SOX6: variants seen among roughly 807,000 people sequenced by gnomAD.
SOX6 encodes transcription factor SOX-6.
SOX6 carries 11 observed loss-of-function variants against 97.8 expected under a neutral mutation model. The observed-to-expected ratio is 0.11, with a 90% CI of 0.07 to 0.19. SOX6 has a LOEUF of 0.19. Ranked by LOEUF, SOX6 falls within the 10% of genes least tolerant of loss-of-function variation. The pLI is 1.00. For synonymous variants in SOX6, 360 were observed against 371.4 expected, an observed-to-expected ratio of 0.97 and a Z score of 0.35; for missense variants, 810 against 1,039.5, an observed-to-expected ratio of 0.78 and a Z score of 3.04.
intron 13 of SOX6, among the ~76,000 whole-genome samples, chr11:16,013,604 C>G (rs150595863): frequency 1.3e-5 from 2 of 152,078 alleles, no homozygotes; most frequent in East Asian, 3.9e-4. Context: ...CCCTCTTCTT[C>G]GTTCCTTTCC....
In SOX6 at chr11:16,707,831, T is replaced by C. The variant is rs546053515; in HGVS notation, n.429+6999A>G. Among the ~76,000 whole-genome samples the C allele has an allele frequency of 7.2e-5, 11 of 152,320 alleles. No individual in the cohort carries two copies. In the South Asian group the frequency reaches 2.3e-3, roughly 32 times the overall value. On this transcript the variant is annotated intron_variant and non_coding_transcript_variant, in intron 3 of 5. Transcript: ENST00000524520. ...AAGAATGCCCCTGAGTTCATCTTAA[T>C]CCACTTTTTCAGATTTTCAGATTTA...
chr11:16,542,994 C>T (rs1419420465), intron 4 of SOX6, among the ~76,000 whole-genome samples: 2 of 151,822 alleles, frequency 1.3e-5, no homozygotes, highest in African/African-American at 2.4e-5. Flanking sequence ...AAATCAAGAA[C>T]AGTCTACATA....
intron 12 of SOX6, among the ~76,000 whole-genome samples, chr11:16,036,914 T>C (rs1855534415): frequency 6.6e-6 from 1 of 152,192 alleles, no homozygotes; most frequent in Non-Finnish European, 1.5e-5. Context: ...AGAAGTTTTG[T>C]GAAAACTTAG....
intron 4 of SOX6, chr11:16,484,469 A>C: frequency 1.2e-6 from 1 of 807,600 alleles, no homozygotes; most frequent in Non-Finnish European, 2.2e-6. Flanking sequence ...CTCGCACTTC[A>C]CCACCTGCTC....
chr11:16,669,138 T>G (rs935008404), intron 3 of SOX6, among the ~76,000 whole-genome samples: 2 of 152,162 alleles, frequency 1.3e-5, no homozygotes, highest in African/African-American at 4.8e-5. Flanking sequence ...ATATATATGT[T>G]AGGCCACAAA....
At chr11:16,540,055 G>A (rs1421955645) in intron 4 of SOX6, among the ~76,000 whole-genome samples, 2 of 152,094 alleles carry the variant, frequency 1.3e-5, no homozygotes, top group East Asian at 1.9e-4. Context: ...GATGAACTTC[G>A]ATGTGAAAAT....
intron 3 of SOX6, among the ~76,000 whole-genome samples, chr11:16,247,161 A>G (rs1407349645): frequency 6.6e-6 from 1 of 152,118 alleles, no homozygotes; most frequent in Non-Finnish European, 1.5e-5. Flanking sequence ...ATATGTCACA[A>G]ATATCTTTCT....
At chr11:16,680,799 G>A (rs922859042) in intron 3 of SOX6, among the ~76,000 whole-genome samples, 5 of 152,114 alleles carry the variant, frequency 3.3e-5, no homozygotes, top group South Asian at 2.1e-4. Context: ...AAAACGCAGG[G>A]GCTGCAATCC....
chr11:16,137,624 A>G (rs112811965), intron 6 of SOX6, among the ~76,000 whole-genome samples: 1,821 of 152,270 alleles, frequency 0.012, 34 homozygotes, highest in African/African-American at 0.042. Flanking sequence ...TCTACTGCTT[A>G]CCTTAAGGAA....
chr11:16,419,220 T>C (rs1858982946), intron 1 of SOX6, among the ~76,000 whole-genome samples: 2 of 152,198 alleles, frequency 1.3e-5, no homozygotes, highest in Non-Finnish European at 2.9e-5. Flanking sequence ...TTCACAAGTA[T>C]GATTATCAAA....
chr11:16,424,501 T>C (rs948223526), intron 1 of SOX6, among the ~76,000 whole-genome samples: 3 of 114,144 alleles, frequency 2.6e-5, no homozygotes, highest in Admixed American at 8.3e-5. Context: ...TCCAACACCA[T>C]GCAAACTAAG....
At chr11:16,649,070 A>G (rs1462980725) in intron 3 of SOX6, among the ~76,000 whole-genome samples, 1 of 152,156 alleles carries the variant, frequency 6.6e-6, no homozygotes. Flanking sequence ...ACGGAGACAA[A>G]GAAAAAAGAA....
intron 12 of SOX6, among the ~76,000 whole-genome samples, chr11:16,028,923 T>C (rs1442351957): frequency 6.6e-6 from 1 of 152,256 alleles, no homozygotes; most frequent in African/African-American, 2.4e-5. Context: ...TAGAGCTTTG[T>C]GTTTGTTGTC....
intron 3 of SOX6, among the ~76,000 whole-genome samples, chr11:16,275,494 AC>A (rs76828152): frequency 0.17 from 25,387 of 152,000 alleles, 2,588 homozygotes; most frequent in Admixed American, 0.29. Flanking sequence ...AAACAAAAAA[AC>A]ACCTCTTCCT....
intron 3 of SOX6, among the ~76,000 whole-genome samples, chr11:16,254,492 G>T (rs574828129): frequency 6.6e-6 from 1 of 152,006 alleles, no homozygotes; most frequent in Non-Finnish European, 1.5e-5. Context: ...TGGGATAGAG[G>T]AATTCAGAAT....
chr11:16,710,494 A>G (rs1045218001), intron 3 of SOX6, among the ~76,000 whole-genome samples: 1 of 152,198 alleles, frequency 6.6e-6, no homozygotes, highest in African/African-American at 2.4e-5. Flanking sequence ...TCTCATCAGC[A>G]TTCAATGAAA....
At chr11:16,229,455 T>C (rs1016478038) in intron 4 of SOX6, among the ~76,000 whole-genome samples, 2 of 151,788 alleles carry the variant, frequency 1.3e-5, no homozygotes, top group African/African-American at 4.8e-5. Context: ...AATAGGCATA[T>C]TGAAAAGCAG....
Position 16,218,710 on chromosome 11 carries a change from G to A in SOX6, c.535+15872C>T, listed in dbSNP as rs112561459. On this transcript the variant is annotated intron_variant, in intron 4 of 15. Transcript: ENST00000683767. The stretch of plus-strand genomic sequence containing the variant: ...TTTTAAATCTCCCCTCTTTCATGGA[G>A]AGATATTTAAGAATATTATTAAAAC... Among the ~76,000 whole-genome samples the A allele has an allele frequency of 2.0e-3, 305 of 152,148 alleles. 2 individuals are homozygous for A. The highest frequency in any genetic ancestry group is 6.6e-3 in the African/African-American group (273 of 41,536).
chr11:16,528,996 T>C (rs1482718590), intron 4 of SOX6, among the ~76,000 whole-genome samples: 2 of 152,066 alleles, frequency 1.3e-5, no homozygotes, highest in Admixed American at 6.6e-5. Context: ...CTAAAACCCA[T>C]GCCATCCCTG....
Sources: allele counts gnomAD v4.1 joint callset (sites outside exome capture counted in the v4.1 genomes callset), GRCh38; gene constraint gnomAD v4.1.1; transcripts MANE v1.5; gene names NCBI Gene and HGNC (gene_info 2026-07-23, HGNC 2026-07-21).